The following LPP variants were observed in gnomAD, a reference collection of about 807,000 sequenced individuals.
The protein encoded by LPP is lipoma-preferred partner.
Under a neutral mutation model 60.4 loss-of-function variants are expected in LPP, and 38 were observed. The observed-to-expected ratio is 0.63, with a 90% CI of 0.49 to 0.83. The LOEUF (loss-of-function observed/expected upper bound fraction) is 0.83. Among genes scored for constraint, LPP ranks in the 40% least tolerant of loss-of-function variants. The pLI is 0.00. For missense variants in LPP, 902 were observed against 783.6 expected (o/e 1.15, Z -1.80); for synonymous variants, 328 against 290.8 (o/e 1.13, Z -1.30).
chr3:188,524,538 G>T, intron 5 of LPP, 127 bp from the exon 6 acceptor site: 5 of 914,796 alleles, frequency 5.5e-6, no homozygotes, highest in Non-Finnish European at 8.2e-6. Context: ...TTTTATGAAA[G>T]CTTAATTAAA....
At chr3:188,328,976 C>A (rs1759226830) in intron 2 of LPP, among the ~76,000 whole-genome samples, 1 of 152,178 alleles carries the variant, frequency 6.6e-6, no homozygotes, top group Non-Finnish European at 1.5e-5. Context: ...ACAGTGAAAT[C>A]ACTCCCTTGA....
At chr3:188,513,145 T>C (rs569321442) in intron 5 of LPP, among the ~76,000 whole-genome samples, 1 of 152,366 alleles carries the variant, frequency 6.6e-6, no homozygotes, top group East Asian at 1.9e-4. Flanking sequence ...ATCTTATGGA[T>C]ATCTTTATAG....
chr3:188,645,576 C>T (rs760226678), intron 7 of LPP, among the ~76,000 whole-genome samples: 4 of 152,048 alleles, frequency 2.6e-5, no homozygotes, highest in Non-Finnish European at 4.4e-5. Flanking sequence ...GAGACAAATG[C>T]GCAGTAATAC....
At chr3:188,449,812 A>G (rs551743434) in intron 4 of LPP, among the ~76,000 whole-genome samples, 2 of 151,940 alleles carry the variant, frequency 1.3e-5, no homozygotes, top group Non-Finnish European at 2.9e-5. Flanking sequence ...TATTATTATT[A>G]TTATTATTTT....
intron 6 of LPP, among the ~76,000 whole-genome samples, chr3:188,571,238 C>G (rs1162738202): frequency 6.6e-6 from 1 of 152,086 alleles, no homozygotes; most frequent in Non-Finnish European, 1.5e-5. Context: ...TTCTCACATT[C>G]ATGTTCATGT....
chr3:188,426,071 T>A (rs1266675678), intron 4 of LPP, among the ~76,000 whole-genome samples: 1 of 151,666 alleles, frequency 6.6e-6, no homozygotes, highest in East Asian at 1.9e-4. Context: ...TCTTTCCCGC[T>A]TTCTCTTGTG....
chr3:188,224,492 CT>C (rs1334986205), intron 1 of LPP, among the ~76,000 whole-genome samples: 3 of 152,050 alleles, frequency 2.0e-5, no homozygotes, highest in Non-Finnish European at 4.4e-5. Flanking sequence ...GAAATAAAAC[CT>C]GTAATAAGGG....
intron 4 of LPP, among the ~76,000 whole-genome samples, chr3:188,463,635 A>G (rs568273643): frequency 1.1e-4 from 16 of 152,334 alleles, no homozygotes; most frequent in African/African-American, 3.8e-4. Context: ...GCTGCATAAT[A>G]TTAATAAACT....
intron 9 of LPP, among the ~76,000 whole-genome samples, chr3:188,856,680 C>T (rs1763909720): frequency 6.6e-6 from 1 of 152,138 alleles, no homozygotes; most frequent in Non-Finnish European, 1.5e-5. Flanking sequence ...GAATTTTGTT[C>T]AAGGTGCTGT....
At chr3:188,257,990 C>T (rs1732230278) in intron 2 of LPP, among the ~76,000 whole-genome samples, 1 of 152,226 alleles carries the variant, frequency 6.6e-6, no homozygotes, top group Non-Finnish European at 1.5e-5. Flanking sequence ...TGTACTATTA[C>T]AGTGATAAGT....
chr3:188,841,393 GTTT>G (rs71169023), intron 9 of LPP, among the ~76,000 whole-genome samples: 5 of 112,862 alleles, frequency 4.4e-5, no homozygotes, highest in African/African-American at 7.0e-5. Context: ...TTCTGAATTT[GTTT>G]TTTTTTTTTT....
intron 9 of LPP, among the ~76,000 whole-genome samples, chr3:188,766,168 GC>G (rs1479513628): frequency 1.3e-5 from 2 of 151,668 alleles, no homozygotes; most frequent in Non-Finnish European, 2.9e-5. Context: ...ATCACACCCA[GC>G]CCATGTTAAA....
chr3:188,767,382 T>C (rs1272082076), intron 9 of LPP, among the ~76,000 whole-genome samples: 1 of 152,200 alleles, frequency 6.6e-6, no homozygotes, highest in Non-Finnish European at 1.5e-5. Flanking sequence ...TATCATTATA[T>C]TGAAATGTAT....
intron 4 of LPP, among the ~76,000 whole-genome samples, chr3:188,458,850 T>G (rs1365511075): frequency 6.6e-6 from 1 of 151,940 alleles, no homozygotes; most frequent in Non-Finnish European, 1.5e-5. Flanking sequence ...TTTTTTTTCG[T>G]GGCCGATTTC....
chr3:188,256,079 G>A (rs749331910), intron 2 of LPP, among the ~76,000 whole-genome samples: 19 of 152,060 alleles, frequency 1.2e-4, no homozygotes, highest in Non-Finnish European at 2.8e-4. Flanking sequence ...TACTTTGTAC[G>A]CTGAGACTCC....
chr3:188,501,976 A>G (rs968878553), intron 5 of LPP, among the ~76,000 whole-genome samples: 1 of 151,432 alleles, frequency 6.6e-6, no homozygotes, highest in African/African-American at 2.4e-5. Flanking sequence ...TTGCAGTTTT[A>G]CTTATGTCTA....
intron 5 of LPP, among the ~76,000 whole-genome samples, chr3:188,491,066 G>A (rs1808232928): frequency 6.6e-6 from 1 of 152,090 alleles, no homozygotes; most frequent in South Asian, 2.1e-4. Context: ...GGCCGGCACT[G>A]GAATTTTTGT....
intron 2 of LPP, among the ~76,000 whole-genome samples, chr3:188,292,268 A>G (rs1029586830): frequency 6.6e-6 from 1 of 152,240 alleles, no homozygotes; most frequent in Non-Finnish European, 1.5e-5. Flanking sequence ...TACAAACTGG[A>G]TGGGCATATT....
At chr3:188,527,828 A>G (rs1369963088) in intron 6 of LPP, among the ~76,000 whole-genome samples, 2 of 149,174 alleles carry the variant, frequency 1.3e-5, no homozygotes, top group African/African-American at 2.5e-5. Context: ...GGCTCACTGC[A>G]ACCTCCGCCT....
Sources: allele counts gnomAD v4.1 joint callset (sites outside exome capture counted in the v4.1 genomes callset), GRCh38; gene constraint gnomAD v4.1.1; transcripts MANE v1.5; gene names NCBI Gene and HGNC (gene_info 2026-07-23, HGNC 2026-07-21).